ATG13: variants seen among roughly 807,000 people sequenced by gnomAD.
ATG13 encodes autophagy related 13.
ATG13 carries 23 observed loss-of-function variants against 65.5 expected under a neutral mutation model. The observed-to-expected ratio is 0.35, with a 90% CI of 0.25 to 0.50. The LOEUF is 0.50. ATG13 is among the 20% of genes least tolerant of loss of function. The probability of loss-of-function intolerance (pLI) is 0.98; values close to 1 mark genes in which losing one functional copy is unlikely to be tolerated. For missense variants in ATG13, 566 were observed against 677.0 expected (o/e 0.84, Z 1.82); for synonymous variants, 252 against 245.2 (o/e 1.03, Z -0.26).
At chr11:46,620,060 A>G (rs893727309) in intron 1 of ATG13, among the ~76,000 whole-genome samples, 2 of 151,236 alleles carry the variant, frequency 1.3e-5, no homozygotes, top group Admixed American at 6.6e-5. Flanking sequence ...CTGAGGACCA[A>G]TATAGGTTAC....
Position 46,657,593 on chromosome 11 carries a change from C to T in ATG13, c.666C>T (p.Ser222=), listed in dbSNP as rs200669907. Reference sequence around the variant, plus strand: ...ACTTTGTGGACCGTCCCTATCCCAGCTCCTCTCCCATGCACCCCTGCAATT... The same window carrying T: ...ACTTTGTGGACCGTCCCTATCCCAGTTCCTCTCCCATGCACCCCTGCAATT... ...IDHFVDRPYP[S]SSPMHPCNYR... The change falls in exon 10 of 19, where the codon AGC becomes AGT. Residue 222 remains serine, a synonymous_variant. Transcript: ENST00000683050. 15 of 1,610,408 alleles carry T rather than the reference C, an allele frequency of 9.3e-6. No individual in the cohort carries two copies. The highest frequency in any genetic ancestry group is 3.3e-4 in the Middle Eastern group (2 of 6,034).
intron 7 of ATG13, among the ~76,000 whole-genome samples, chr11:46,652,588 C>T (rs1448850398): frequency 1.3e-5 from 2 of 152,008 alleles, no homozygotes; most frequent in African/African-American, 4.8e-5. Flanking sequence ...TGGTGGTTCA[C>T]ATCTGTAGTC....
chr11:46,658,885 A>G (rs1478454749), intron 10 of ATG13, among the ~76,000 whole-genome samples: 4 of 152,166 alleles, frequency 2.6e-5, no homozygotes, highest in Non-Finnish European at 2.9e-5. Context: ...TAGGTCAGGT[A>G]AGATGTTTGG....
Position 46,657,639 on chromosome 11 carries a change from G to C in ATG13, c.695+17G>C. The stretch of plus-strand genomic sequence containing the variant: ...CAATTACAGGTGAGGAATGTGAAAA[G>C]GTGCTCTCCCAAACTGCAGCTGGGC... On this transcript the variant is annotated intron_variant, in intron 10 of 18. Transcript: ENST00000683050. 2 of 1,567,682 alleles carry C rather than the reference G, an allele frequency of 1.3e-6. No homozygotes were observed. Among genetic ancestry groups the C allele is most frequent in the East Asian group, 2.3e-5 (1 of 44,296 alleles).
chr11:46,645,204 T>C, intron 3 of ATG13, 135 bp from the exon 4 acceptor site: 1 of 657,728 alleles, frequency 1.5e-6, no homozygotes, highest in Non-Finnish European at 2.5e-6. Context: ...ATTATACTGT[T>C]TCCCAAAGTA....
intron 7 of ATG13, among the ~76,000 whole-genome samples, chr11:46,654,142 T>A (rs1348508377): frequency 1.3e-5 from 2 of 151,312 alleles, no homozygotes; most frequent in Non-Finnish European, 2.9e-5. Flanking sequence ...ACTTAGAGAT[T>A]TCTTCATGGC....
intron 14 of ATG13, among the ~76,000 whole-genome samples, chr11:46,667,373 G>A (rs560810615): frequency 4.3e-4 from 65 of 152,312 alleles, no homozygotes; most frequent in Non-Finnish European, 7.3e-4. Flanking sequence ...AGTGGGAACA[G>A]CCAAATTAAA....
At chr11:46,664,516 C>G (rs908136445) in intron 12 of ATG13, among the ~76,000 whole-genome samples, 2 of 152,326 alleles carry the variant, frequency 1.3e-5, no homozygotes, top group African/African-American at 4.8e-5. Context: ...GCTACCAGTT[C>G]TGCGCAGGCT....
At chr11:46,641,449 A>G (rs1194118324) in intron 2 of ATG13, among the ~76,000 whole-genome samples, 1 of 152,256 alleles carries the variant, frequency 6.6e-6, no homozygotes, top group Non-Finnish European at 1.5e-5. Flanking sequence ...CTGCTGCTAC[A>G]TCCAACAATA....
chr11:46,620,956 A>G (rs2047301261), intron 1 of ATG13: 1 of 152,216 alleles, frequency 6.6e-6, no homozygotes, highest in African/African-American at 2.4e-5. Context: ...TGCTGCTTTC[A>G]CTTTTGATTC....
intron 15 of ATG13, 56 bp downstream of exon 15, chr11:46,667,943 C>T (rs2062747586): frequency 4.3e-6 from 6 of 1,398,984 alleles, no homozygotes; most frequent in Non-Finnish European, 6.0e-6. Context: ...GAGTAAGGCC[C>T]CACAGGCAGT....
intron 1 of ATG13, among the ~76,000 whole-genome samples, chr11:46,625,633 G>A (rs921148499): frequency 1.3e-5 from 2 of 152,136 alleles, no homozygotes; most frequent in Non-Finnish European, 2.9e-5. Flanking sequence ...TACCATTCTG[G>A]CAAAACAGGT....
In ATG13 at chr11:46,672,945, C is replaced by T; in HGVS notation, c.*613C>T. On this transcript the variant is annotated 3_prime_UTR_variant, in exon 19 of 19. Transcript: ENST00000683050. ...CAAGATCAGAACTCCAAAACCACTC[C>T]CACCCCTGAAGGTCGGGAGGGTCTG... 1 of 606,172 alleles carries T rather than the reference C, an allele frequency of 1.6e-6. No homozygotes were observed. Among genetic ancestry groups the T allele is most frequent in the Non-Finnish European group, 2.4e-6 (1 of 416,438 alleles). 37.5% of individuals were successfully genotyped at this position (606,172 alleles called of 1,614,324 possible).
At chr11:46,645,751 T>C in intron 4 of ATG13, 119 bp from the exon 5 acceptor site, 2 of 1,380,182 alleles carry the variant, frequency 1.4e-6, no homozygotes, top group South Asian at 1.4e-5. Flanking sequence ...AAGGGAGAAG[T>C]GAATGAATTG....
chr11:46,672,164 T>C, intron 18 of ATG13, 91 bp from the exon 19 acceptor site: 1 of 1,594,188 alleles, frequency 6.3e-7, no homozygotes. Flanking sequence ...GAGCTTCGTC[T>C]TGCTTGCTGC....
intron 2 of ATG13, among the ~76,000 whole-genome samples, chr11:46,639,715 G>A (rs2055232809): frequency 6.6e-6 from 1 of 152,004 alleles, no homozygotes; most frequent in Non-Finnish European, 1.5e-5. Context: ...GAGATCATTG[G>A]TCAAAGTATG....
chr11:46,639,064 T>G (rs945345337), intron 2 of ATG13, among the ~76,000 whole-genome samples: 11 of 152,282 alleles, frequency 7.2e-5, no homozygotes, highest in African/African-American at 2.6e-4. Context: ...CTCGGCTCAC[T>G]GCAACCTCTG....
intron 13 of ATG13, 56 bp from the exon 14 acceptor site, chr11:46,665,327 T>C: frequency 6.3e-7 from 1 of 1,582,616 alleles, no homozygotes; most frequent in Non-Finnish European, 8.6e-7. Context: ...GAATGTGAAG[T>C]TCCCCTCCTG....
intron 5 of ATG13, 46 bp downstream of exon 5, chr11:46,646,035 C>T (rs2136300306): frequency 1.9e-6 from 3 of 1,610,530 alleles, no homozygotes; most frequent in Non-Finnish European, 1.7e-6. Flanking sequence ...ACTGAAGGCT[C>T]CTCACACTCT....
Sources: allele counts gnomAD v4.1 joint callset (sites outside exome capture counted in the v4.1 genomes callset), GRCh38; gene constraint gnomAD v4.1.1; transcripts MANE v1.5; gene names NCBI Gene and HGNC (gene_info 2026-07-23, HGNC 2026-07-21).